Variants in GALNTL6 observed in about 807,000 individuals in gnomAD.
The protein encoded by GALNTL6 is polypeptide N-acetylgalactosaminyltransferase-like 6.
GALNTL6 carries 46 observed loss-of-function variants against 73.7 expected under a neutral mutation model. The ratio of observed to expected loss-of-function variants is 0.62; its 90% CI spans 0.49 to 0.80. The LOEUF is 0.80. GALNTL6 is among the 30% of genes least tolerant of loss of function. The pLI is 0.00. For synonymous variants in GALNTL6, 259 were observed against 263.7 expected (o/e 0.98, Z 0.17); for missense variants, 604 against 755.0 (o/e 0.80, Z 2.34).
At position 172,795,607 on chromosome 4, in the gene GALNTL6, A is replaced by G. The variant is rs1183651521; in HGVS notation, c.554-13754A>G. ...TACAGGGTACACAAGATGTTTTTTG[A>G]TACAGGCATGCAATGTGTAATAATC... On this transcript the variant is annotated intron_variant, in intron 5 of 12. Coordinates refer to ENST00000506823, the MANE Select transcript of GALNTL6 (RefSeq NM_001034845.3). Among the ~76,000 whole-genome samples the G allele has an allele frequency of 2.0e-5, 3 of 152,090 alleles. No homozygotes were observed. In the East Asian group the frequency reaches 5.8e-4, roughly 29 times the overall value.
At chr4:172,061,198 C>T (rs76827553) in intron 2 of GALNTL6, among the ~76,000 whole-genome samples, 2 of 151,624 alleles carry the variant, frequency 1.3e-5, no homozygotes, top group African/African-American at 4.8e-5. Flanking sequence ...GTCTTTTTTT[C>T]TCTCTCTGTA....
intron 3 of GALNTL6, among the ~76,000 whole-genome samples, chr4:172,264,011 G>A (rs1012320977): frequency 5.9e-5 from 9 of 151,514 alleles, no homozygotes; most frequent in African/African-American, 2.2e-4. Context: ...AGATCTCCAG[G>A]AGTATTACTA....
rs532672015 is a variant in GALNTL6 at position 171,993,099 on chromosome 4, G to A, written c.138+178381G>A. On this transcript the variant is annotated intron_variant, in intron 2 of 12. Transcript: ENST00000506823. ...CTGCCAACTCCCTCCCCAACAACAC[G>A]GCATATTTAATTGTAACTTCAGGAG... Among the ~76,000 whole-genome samples, 134 of 151,850 alleles carry A rather than the reference G, an allele frequency of 8.8e-4. 1 individual carries two copies. Among genetic ancestry groups the A allele is most frequent in the South Asian group, 3.3e-3 (16 of 4,810 alleles).
chr4:172,075,422 C>T (rs1731671356), intron 2 of GALNTL6, among the ~76,000 whole-genome samples: 1 of 152,070 alleles, frequency 6.6e-6, no homozygotes, highest in South Asian at 2.1e-4. Context: ...GCAAGCTCTG[C>T]CTCCTGGGTT....
At chr4:172,065,229 C>T (rs968036313) in intron 2 of GALNTL6, among the ~76,000 whole-genome samples, 1 of 152,078 alleles carries the variant, frequency 6.6e-6, no homozygotes, top group Non-Finnish European at 1.5e-5. Context: ...ATTAGATTCT[C>T]ATAAGGAGCA....
At chr4:172,286,609 C>T (rs1739263669) in intron 3 of GALNTL6, among the ~76,000 whole-genome samples, 1 of 152,074 alleles carries the variant, frequency 6.6e-6, no homozygotes, top group African/African-American at 2.4e-5. Flanking sequence ...CTAAAGGACT[C>T]AGGAATTATA....
chr4:172,731,941 C>T (rs1405141202), intron 5 of GALNTL6, among the ~76,000 whole-genome samples: 1 of 151,864 alleles, frequency 6.6e-6, no homozygotes, highest in Non-Finnish European at 1.5e-5. Flanking sequence ...TTTGCACAGG[C>T]TTGTTTTGTG....
Position 172,236,908 on chromosome 4 carries a change from C to T in GALNTL6, c.247+7144C>T, listed in dbSNP as rs77532421. ...ATGTAGGTCTTAGTGTCTGTTGTTCCCTTCTTTGTCTATGTGTACTCAACG... is the reference window on the plus strand; with the variant it reads ...ATGTAGGTCTTAGTGTCTGTTGTTCTCTTCTTTGTCTATGTGTACTCAACG... On this transcript the variant is annotated intron_variant, in intron 3 of 12. Coordinates refer to ENST00000506823, the MANE Select transcript of GALNTL6 (RefSeq NM_001034845.3). 0.012 allele frequency among the ~76,000 whole-genome samples: 1,887 copies of T among 152,102 alleles called. 94 individuals are homozygous for T. The East Asian group carries it at 0.15, about 12-fold the overall frequency.
intron 2 of GALNTL6, among the ~76,000 whole-genome samples, chr4:172,053,106 T>G (rs1246602780): frequency 6.6e-6 from 1 of 152,138 alleles, no homozygotes; most frequent in Non-Finnish European, 1.5e-5. Context: ...TAAGGCTGAT[T>G]TTAAGATAAA....
intron 2 of GALNTL6, among the ~76,000 whole-genome samples, chr4:171,982,387 T>C (rs1229530947): frequency 6.6e-6 from 1 of 152,114 alleles, no homozygotes; most frequent in South Asian, 2.1e-4. Context: ...AAGCTCTGCC[T>C]CCTGGGTTCA....
At chr4:172,881,681 A>G (rs1745458677) in intron 7 of GALNTL6, among the ~76,000 whole-genome samples, 1 of 152,180 alleles carries the variant, frequency 6.6e-6, no homozygotes. Flanking sequence ...TTGTACTGTT[A>G]TTTATAAATA....
intron 5 of GALNTL6, among the ~76,000 whole-genome samples, chr4:172,708,318 G>A (rs1171532538): frequency 1.3e-5 from 2 of 152,114 alleles, no homozygotes; most frequent in Non-Finnish European, 2.9e-5. Flanking sequence ...TTAGCCTATC[G>A]AAGTGCTGGG....
chr4:172,352,144 T>C (rs1741964365), intron 5 of GALNTL6, among the ~76,000 whole-genome samples: 1 of 152,146 alleles, frequency 6.6e-6, no homozygotes, highest in Non-Finnish European at 1.5e-5. Flanking sequence ...TACTAAAATA[T>C]TAGATAATCA....
chr4:172,755,939 G>A (rs996078060), intron 5 of GALNTL6, among the ~76,000 whole-genome samples: 3 of 152,142 alleles, frequency 2.0e-5, no homozygotes, highest in African/African-American at 4.8e-5. Flanking sequence ...AATGATGAGA[G>A]ATACAGCATA....
chr4:172,881,100 A>G (rs1015371736), intron 7 of GALNTL6, among the ~76,000 whole-genome samples: 2 of 152,186 alleles, frequency 1.3e-5, no homozygotes, highest in African/African-American at 4.8e-5. Flanking sequence ...TGCAGTTCAG[A>G]TTAAATAAGA....
At chr4:172,619,072 TA>T (rs1738855088) in intron 5 of GALNTL6, among the ~76,000 whole-genome samples, 1 of 152,176 alleles carries the variant, frequency 6.6e-6, no homozygotes, top group Non-Finnish European at 1.5e-5. Context: ...CTTCTTGGCT[TA>T]AATAAGAGGT....
At chr4:172,606,040 C>T (rs921697846) in intron 5 of GALNTL6, among the ~76,000 whole-genome samples, 11 of 152,144 alleles carry the variant, frequency 7.2e-5, no homozygotes, top group African/African-American at 2.6e-4. Flanking sequence ...GCAGTCCTAG[C>T]CAAGACCCTG....
At chr4:172,217,038 A>G (rs1192406537) in intron 2 of GALNTL6, among the ~76,000 whole-genome samples, 1 of 152,162 alleles carries the variant, frequency 6.6e-6, no homozygotes, top group Non-Finnish European at 1.5e-5. Flanking sequence ...GTTAAGATAA[A>G]AGATTGCTGA....
chr4:172,822,229 T>A (rs953190486), intron 7 of GALNTL6, among the ~76,000 whole-genome samples: 2 of 152,200 alleles, frequency 1.3e-5, no homozygotes, highest in East Asian at 1.9e-4. Context: ...TCTCTTGAGA[T>A]CTCTGGGTTC....
Sources: allele counts gnomAD v4.1 joint callset (sites outside exome capture counted in the v4.1 genomes callset), GRCh38; gene constraint gnomAD v4.1.1; transcripts MANE v1.5; gene names NCBI Gene and HGNC (gene_info 2026-07-23, HGNC 2026-07-21).